Variants in TNFSF4 observed in about 807,000 individuals in gnomAD.
TNFSF4 encodes TNF superfamily member 4.
Under a neutral mutation model 7.3 loss-of-function variants are expected in TNFSF4, and 4 were observed. The observed-to-expected ratio is 0.55, with a 90% CI of 0.27 to 1.25. TNFSF4 has a LOEUF of 1.25. TNFSF4 is among the 50% of genes most tolerant of loss of function. The pLI is 0.12. For synonymous variants in TNFSF4, 76 were observed against 83.7 expected (o/e 0.91, Z 0.50); for missense variants, 181 against 208.8 (o/e 0.87, Z 0.82).
the TNFSF4 span, among the ~76,000 whole-genome samples, chr1:173,416,821 T>G: frequency 6.6e-6 from 1 of 151,900 alleles, no homozygotes; most frequent in African/African-American, 2.4e-5. Context: ...GATCTCAAAC[T>G]CCTGGACTCA....
At chr1:173,448,263 C>T in the TNFSF4 span, among the ~76,000 whole-genome samples, 2 of 152,094 alleles carry the variant, frequency 1.3e-5, no homozygotes, top group Admixed American at 1.3e-4. Context: ...GTCCAGTTGA[C>T]ATAATTTACC....
At chr1:173,308,285 CTGTG>C in the TNFSF4 span, among the ~76,000 whole-genome samples, 35 of 135,104 alleles carry the variant, frequency 2.6e-4, no homozygotes, top group East Asian at 4.4e-3. Context: ...CTCTCTCTCT[CTGTG>C]TGTGTGTGTG....
At chr1:173,416,232 G>A in the TNFSF4 span, among the ~76,000 whole-genome samples, 1 of 152,176 alleles carries the variant, frequency 6.6e-6, no homozygotes. Flanking sequence ...GCTGTGGGTG[G>A]TCTGCCCAAT....
At chr1:173,432,519 GAGA>G in the TNFSF4 span, among the ~76,000 whole-genome samples, 2 of 152,188 alleles carry the variant, frequency 1.3e-5, no homozygotes, top group Admixed American at 6.5e-5. Context: ...AGCACACAGT[GAGA>G]AGGTTGCCTT....
At chr1:173,416,176 G>A in the TNFSF4 span, among the ~76,000 whole-genome samples, 1 of 152,200 alleles carries the variant, frequency 6.6e-6, no homozygotes, top group Non-Finnish European at 1.5e-5. Context: ...GGTGGTGATA[G>A]TGTAGCTCTC....
chr1:173,321,040 A>C, the TNFSF4 span, among the ~76,000 whole-genome samples: 1 of 152,228 alleles, frequency 6.6e-6, no homozygotes, highest in Non-Finnish European at 1.5e-5. Context: ...AAGCAAAAAG[A>C]ACAAAGCTGG....
chr1:173,425,943 C>T, the TNFSF4 span, among the ~76,000 whole-genome samples: 1 of 152,200 alleles, frequency 6.6e-6, no homozygotes, highest in Non-Finnish European at 1.5e-5. Context: ...TCTTTCTCTC[C>T]CCTGTTGAGG....
rs925800687 is a variant in TNFSF4 at position 173,186,398 on chromosome 1, C to T, written c.*118G>A. The T allele has an allele frequency of 2.1e-5, 17 of 794,092 alleles. No homozygotes were observed. Among genetic ancestry groups the T allele is most frequent in the Non-Finnish European group, 3.0e-5 (15 of 506,076 alleles). 49.2% of individuals were successfully genotyped at this position (794,092 alleles called of 1,614,324 possible). A position where few individuals can be genotyped will look rare whatever the true frequency, so the allele number is the denominator to read the frequency against. On this transcript the variant is annotated 3_prime_UTR_variant, in exon 3 of 3. Transcript: ENST00000281834. ...GGGAGGGCCAGGATCTGCTTCTTGTCACATCCCACGTGGCTGAGCTGGGAG... is the reference window on the plus strand; with the variant it reads ...GGGAGGGCCAGGATCTGCTTCTTGTTACATCCCACGTGGCTGAGCTGGGAG...
chr1:173,397,178 G>T, the TNFSF4 span, among the ~76,000 whole-genome samples: 4 of 152,168 alleles, frequency 2.6e-5, no homozygotes, highest in African/African-American at 9.7e-5. Context: ...TGGATAAGCA[G>T]AAAAGTTCTA....
chr1:173,311,689 G>C, the TNFSF4 span, among the ~76,000 whole-genome samples: 3 of 152,140 alleles, frequency 2.0e-5, no homozygotes, highest in Middle Eastern at 3.4e-3. Flanking sequence ...TGGGATACAA[G>C]AGTCAACCAG....
chr1:173,198,131 A>G (rs1451696989), intron 1 of TNFSF4, among the ~76,000 whole-genome samples: 1 of 152,178 alleles, frequency 6.6e-6, no homozygotes. Flanking sequence ...CCCTTATCTG[A>G]TTTGCTATAT....
At chr1:173,342,663 A>G in the TNFSF4 span, among the ~76,000 whole-genome samples, 1 of 152,116 alleles carries the variant, frequency 6.6e-6, no homozygotes, top group Non-Finnish European at 1.5e-5. Context: ...CTCCCTCTTA[A>G]CAGATGACCT....
chr1:173,201,397 C>T (rs1330231589), intron 1 of TNFSF4, among the ~76,000 whole-genome samples: 1 of 152,120 alleles, frequency 6.6e-6, no homozygotes, highest in Non-Finnish European at 1.5e-5. Flanking sequence ...CTTTGATATG[C>T]TTTCTGAGAT....
chr1:173,404,335 AC>A, the TNFSF4 span, among the ~76,000 whole-genome samples: 1 of 152,052 alleles, frequency 6.6e-6, no homozygotes, highest in Non-Finnish European at 1.5e-5. Context: ...AGTTATCAGG[AC>A]CCCCATGGAA....
the TNFSF4 span, among the ~76,000 whole-genome samples, chr1:173,444,391 T>C: frequency 6.6e-6 from 1 of 152,166 alleles, no homozygotes; most frequent in Non-Finnish European, 1.5e-5. Context: ...TTCTGTTTTT[T>C]TCGTACAAAA....
downstream of TNFSF4, among the ~76,000 whole-genome samples, chr1:173,182,232 C>A (rs1165082826): frequency 7.1e-6 from 1 of 140,298 alleles, no homozygotes; most frequent in African/African-American, 3.1e-5. Flanking sequence ...AGCTTTTGTT[C>A]AACTGATAGA....
At chr1:173,213,923 T>A in the TNFSF4 span, among the ~76,000 whole-genome samples, 2 of 152,164 alleles carry the variant, frequency 1.3e-5, no homozygotes, top group East Asian at 3.9e-4. Flanking sequence ...GGATTGGGGG[T>A]AGGGTGCCAC....
chr1:173,271,935 C>T, the TNFSF4 span, among the ~76,000 whole-genome samples: 1 of 152,156 alleles, frequency 6.6e-6, no homozygotes, highest in Non-Finnish European at 1.5e-5. Context: ...ATAGCAAAGA[C>T]TTGGAACCTA....
At chr1:173,443,004 A>G in the TNFSF4 span, among the ~76,000 whole-genome samples, 2 of 152,148 alleles carry the variant, frequency 1.3e-5, no homozygotes, top group African/African-American at 2.4e-5. Flanking sequence ...TACAACATTT[A>G]TATTTCAGAA....
Sources: allele counts gnomAD v4.1 joint callset (sites outside exome capture counted in the v4.1 genomes callset), GRCh38; gene constraint gnomAD v4.1.1; transcripts MANE v1.5; gene names NCBI Gene and HGNC (gene_info 2026-07-23, HGNC 2026-07-21).